The following NBDY variants were observed in gnomAD, a reference collection of about 807,000 sequenced individuals.
NBDY encodes P-body dissociating protein.
intron 2 of NBDY, among the ~76,000 whole-genome samples, chrX:56,804,639 A>G (rs898206031): frequency 2.7e-5 from 3 of 112,374 alleles, no homozygotes; most frequent in Admixed American, 1.9e-4. Context: ...GTCTTTGCAG[A>G]TGGTGAGGTG....
intron 2 of NBDY, among the ~76,000 whole-genome samples, chrX:56,802,549 T>A (rs1569292136): frequency 4.5e-5 from 5 of 111,524 alleles, no homozygotes; most frequent in Admixed American, 2.8e-4. Context: ...GTTGAGCTGT[T>A]CGCTCATTTT....
In NBDY at chrX:56,819,023, C is replaced by T. The variant is rs2069923748; in HGVS notation, c.*1870C>T. On this transcript the variant is annotated 3_prime_UTR_variant, in exon 3 of 3. Transcript: ENST00000374922. ...AAAAAACAAAAAACTTCCACCCCTA[C>T]CTCATGCAAAATACAAAAATTAACT... The T allele has an allele frequency of 9.3e-6, 1 of 107,077 alleles. No individual in the cohort carries two copies. The highest frequency in any genetic ancestry group is 1.0e-4 in the Admixed American group (1 of 9,992). The allele number at this position is 107,077 out of a possible 1,213,427, so 8.8% of individuals were successfully genotyped here.
At chrX:56,817,294 A>G (rs1300346334) in intron 2 of NBDY, 26 bp from the exon 3 acceptor site, 1 of 112,133 alleles carries the variant, frequency 8.9e-6, no homozygotes, top group Admixed American at 9.5e-5. Context: ...AAGTCAATAA[A>G]CTTTTGTTCT....
intron 2 of NBDY, among the ~76,000 whole-genome samples, chrX:56,749,898 G>A (rs2069576130): frequency 9.0e-6 from 1 of 111,089 alleles, no homozygotes; most frequent in African/African-American, 3.3e-5. Flanking sequence ...GTGATTGTCC[G>A]ATTCAGCCTC....
At chrX:56,754,016 G>T (rs1052032564) in intron 2 of NBDY, among the ~76,000 whole-genome samples, 32 of 110,530 alleles carry the variant, frequency 2.9e-4, no homozygotes, top group African/African-American at 1.1e-3. Flanking sequence ...AGGGGAACAA[G>T]GTTAAAGGAA....
intron 2 of NBDY, among the ~76,000 whole-genome samples, chrX:56,804,985 G>T (rs1206592459): frequency 8.9e-6 from 1 of 112,104 alleles, no homozygotes; most frequent in Non-Finnish European, 1.9e-5. Context: ...AGGCTGCACT[G>T]GGAACGTGCA....
chrX:56,733,776 C>A (rs1408345835), intron 2 of NBDY, among the ~76,000 whole-genome samples: 12 of 112,258 alleles, frequency 1.1e-4, no homozygotes, highest in Non-Finnish European at 2.3e-4. Context: ...TCCATGCCTC[C>A]TCCCATACAG....
chrX:56,734,613 A>T (rs2069477154), intron 2 of NBDY, among the ~76,000 whole-genome samples: 1 of 111,927 alleles, frequency 8.9e-6, no homozygotes, highest in Non-Finnish European at 1.9e-5. Context: ...TCTTAGCTCC[A>T]TCCTAATCAA....
chrX:56,739,618 G>A (rs1266348674), intron 2 of NBDY, among the ~76,000 whole-genome samples: 2 of 110,060 alleles, frequency 1.8e-5, no homozygotes, highest in South Asian at 3.9e-4. Flanking sequence ...ATTAGCAAAA[G>A]CACCACAGAA....
In NBDY at chrX:56,729,360, G is replaced by C. The variant is rs1366558933; in HGVS notation, c.7G>C (p.Asp3His). MG[D>H]QPCASGRSTL... ...ACCCGTTTCTGTAATCCTTATGGGA[G>C]ACCAACCTTGTGCCTCCGGGAGATC... The change falls in exon 1 of 3, where the codon GAC (aspartate) becomes CAC (histidine). Residue 3 changes from aspartate (D) to histidine (H), a missense_variant. By Grantham distance (81) the Asp-to-His change is moderately conservative. Coordinates refer to ENST00000374922, the MANE Select transcript of NBDY (RefSeq NM_001348129.2). 3.4e-6 allele frequency: 1 copy of C among 294,170 alleles called. No homozygotes were observed. The highest frequency in any genetic ancestry group is 5.9e-6 in the Non-Finnish European group (1 of 169,529). The allele number at this position is 294,170 out of a possible 1,213,427, so 24.2% of individuals were successfully genotyped here.
intron 1 of NBDY, among the ~76,000 whole-genome samples, chrX:56,730,827 A>T (rs982251268): frequency 1.8e-5 from 2 of 111,903 alleles, no homozygotes; most frequent in Non-Finnish European, 3.8e-5. Context: ...GGAATCTCTG[A>T]TATTTAGATG....
intron 2 of NBDY, among the ~76,000 whole-genome samples, chrX:56,796,982 C>T (rs185433696): frequency 9.0e-6 from 1 of 111,682 alleles, no homozygotes; most frequent in Admixed American, 9.4e-5. Flanking sequence ...GGACCTCCCA[C>T]TTCCTATTCT....
chrX:56,791,342 C>T lies in NBDY; in HGVS notation c.*167-25978C>T, dbSNP rs765902033. On this transcript the variant is annotated intron_variant, in intron 2 of 2. Transcript: ENST00000374922. Reference sequence around the variant, plus strand: ...AATTGGCATTTCCCTCCCATTTCTGCTCTGTCTCCGTATTGCCATTGGTGG... The same window carrying T: ...AATTGGCATTTCCCTCCCATTTCTGTTCTGTCTCCGTATTGCCATTGGTGG... Among the ~76,000 whole-genome samples, 3 of 112,105 alleles carry T rather than the reference C, an allele frequency of 2.7e-5. No homozygotes were observed. In the East Asian group the frequency reaches 8.4e-4, roughly 32 times the overall value.
intron 2 of NBDY, among the ~76,000 whole-genome samples, chrX:56,814,499 T>A (rs1204557746): frequency 9.1e-6 from 1 of 110,216 alleles, no homozygotes; most frequent in African/African-American, 3.3e-5. Context: ...CCACATTTTT[T>A]TTTTTTTTTC....
At chrX:56,800,923 T>C (rs141973608) in intron 2 of NBDY, among the ~76,000 whole-genome samples, 1,303 of 110,862 alleles carry the variant, frequency 0.012, 11 homozygotes, top group African/African-American at 0.041. Context: ...CTCCTTTCTC[T>C]GGTATCCATT....
At chrX:56,807,330 G>GT (rs1288882795) in intron 2 of NBDY, among the ~76,000 whole-genome samples, 1 of 111,723 alleles carries the variant, frequency 9.0e-6, no homozygotes, top group Non-Finnish European at 1.9e-5. Flanking sequence ...CTTTAAAGTA[G>GT]TTTTTTTCTA....
At chrX:56,764,829 G>A (rs2069657610) in intron 2 of NBDY, among the ~76,000 whole-genome samples, 1 of 111,498 alleles carries the variant, frequency 9.0e-6, no homozygotes, top group Admixed American at 9.4e-5. Context: ...GGGGGCCACA[G>A]GGAGCAGGGC....
intron 2 of NBDY, among the ~76,000 whole-genome samples, chrX:56,810,112 C>T (rs1262181649): frequency 1.8e-5 from 2 of 111,811 alleles, no homozygotes; most frequent in Non-Finnish European, 3.8e-5. Context: ...GGGTTTCTCC[C>T]GAGAGACCTG....
At chrX:56,755,399 C>T (rs1028753442) in intron 2 of NBDY, among the ~76,000 whole-genome samples, 15 of 111,727 alleles carry the variant, frequency 1.3e-4, no homozygotes, top group Admixed American at 2.8e-4. Flanking sequence ...CATGTGACAA[C>T]GGGCTAATAT....
Sources: allele counts gnomAD v4.1 joint callset (sites outside exome capture counted in the v4.1 genomes callset), GRCh38; gene constraint gnomAD v4.1.1; transcripts MANE v1.5; gene names NCBI Gene and HGNC (gene_info 2026-07-23, HGNC 2026-07-21).